The following SETDB2 variants were observed in gnomAD, a reference collection of about 807,000 sequenced individuals.
SETDB2 encodes the protein histone-lysine N-methyltransferase SETDB2.
SETDB2 carries 56 observed loss-of-function variants against 82.5 expected under a neutral mutation model. The ratio of observed to expected loss-of-function variants is 0.68; its 90% confidence interval spans 0.55 to 0.85. The LOEUF (loss-of-function observed/expected upper bound fraction) is 0.85, where lower values mean the gene tolerates loss of function less well. Among genes scored for constraint, SETDB2 ranks in the 40% least tolerant of loss-of-function variants. The pLI, the probability that SETDB2 is intolerant of heterozygous loss-of-function variation, is 0.00. For missense variants in SETDB2, 677 were observed against 816.4 expected (o/e 0.83, Z 2.08); for synonymous variants, 272 against 284.9 (o/e 0.95, Z 0.46).
At chr13:49,471,932 A>ATTTT (rs1293042049) in intron 5 of SETDB2, among the ~76,000 whole-genome samples, 736 of 75,262 alleles carry the variant, frequency 9.8e-3, no homozygotes, top group Non-Finnish European at 0.013. Flanking sequence ...ATATATATAT[A>ATTTT]TATTTTTTTT....
chr13:49,453,968 C>T (rs778034832), intron 2 of SETDB2, among the ~76,000 whole-genome samples: 1 of 152,000 alleles, frequency 6.6e-6, no homozygotes, highest in Non-Finnish European at 1.5e-5. Context: ...CATGAAATTA[C>T]GCTGATGTTT....
At chr13:49,483,613 T>A in intron 10 of SETDB2, 50 bp downstream of exon 10, 1 of 51,844 alleles carries the variant, frequency 1.9e-5, no homozygotes, top group Non-Finnish European at 4.2e-5. Flanking sequence ...TTTTAAATTT[T>A]TTTTTTTTTT....
At position 49,490,872 on chromosome 13, in the gene SETDB2, C is replaced by A. The variant is rs747992296; in HGVS notation, c.1968C>A (p.His656Gln). 6.2e-6 allele frequency: 10 copies of A among 1,613,340 alleles called. No homozygotes were observed. In the Admixed American group the frequency reaches 1.0e-4, roughly 16 times the overall value. ...TACAGAATGTTTTTGTAGAAACACACAACAGGAATTTTCCATTGGTGGCAT... is the reference window on the plus strand; with the variant it reads ...TACAGAATGTTTTTGTAGAAACACAAAACAGGAATTTTCCATTGGTGGCAT... ...LLVQNVFVET[H>Q]NRNFPLVAFF... Residue 656 changes from histidine to glutamine, a missense_variant, in exon 13 of 14, where the codon CAC becomes CAA. Coordinates refer to ENST00000611815, the MANE Select transcript of SETDB2 (RefSeq NM_001160308.3).
At chr13:49,482,251 G>A (rs1035188640) in intron 8 of SETDB2, 1 of 985,262 alleles carries the variant, frequency 1.0e-6, no homozygotes, top group Admixed American at 6.2e-5. Flanking sequence ...TGAATCCCTT[G>A]AAAGAAAATG....
intron 11 of SETDB2, among the ~76,000 whole-genome samples, chr13:49,487,323 G>A (rs1469151198): frequency 2.6e-5 from 4 of 151,806 alleles, no homozygotes; most frequent in African/African-American, 9.7e-5. Context: ...CATCTGACAT[G>A]CATTCATATC....
At position 49,451,776 on chromosome 13, in the gene SETDB2, T is replaced by A; in HGVS notation, c.-118T>A. 1.5e-6 allele frequency: 1 copy of A among 651,934 alleles called. No homozygotes were observed. Among genetic ancestry groups the A allele is most frequent in the Admixed American group, 3.2e-5 (1 of 31,728 alleles). The allele number at this position is 651,934 out of a possible 1,614,324, so 40.4% of individuals were successfully genotyped here. On this transcript the variant is annotated 5_prime_UTR_variant, in exon 2 of 14. Transcript: ENST00000611815. ...TTTAGAATGGTATAATGATGTATTT[T>A]GTCTGAGGACTGCAAATTTTATAGA...
chr13:49,485,398 C>G (rs901201245), intron 10 of SETDB2, among the ~76,000 whole-genome samples: 14 of 152,204 alleles, frequency 9.2e-5, no homozygotes, highest in African/African-American at 3.4e-4. Flanking sequence ...AATTTCTTGA[C>G]AGTCTTTATA....
chr13:49,455,580 T>G (rs1406770153), intron 2 of SETDB2, among the ~76,000 whole-genome samples: 1 of 152,128 alleles, frequency 6.6e-6, no homozygotes, highest in Non-Finnish European at 1.5e-5. Context: ...TTCAGAAACT[T>G]TCAGGTTTGC....
rs1179635714 is a variant in SETDB2 at position 49,467,853 on chromosome 13, T to G, written c.209-11T>G. On this transcript the variant is annotated splice_polypyrimidine_tract_variant and intron_variant, in intron 4 of 13. Transcript: ENST00000611815. The stretch of plus-strand genomic sequence containing the variant: ...TGGTATATTTGTTGCTCACATTATT[T>G]TTTTGTGTAGATCCTATGCCTGTGA... The G allele has an allele frequency of 1.3e-6, 2 of 1,591,844 alleles. No individual in the cohort carries two copies. Among genetic ancestry groups the G allele is most frequent in the Non-Finnish European group, 1.7e-6 (2 of 1,170,172 alleles).
chr13:49,461,718 A>G (rs1957997089), intron 4 of SETDB2, among the ~76,000 whole-genome samples: 1 of 152,210 alleles, frequency 6.6e-6, no homozygotes, highest in Non-Finnish European at 1.5e-5. Flanking sequence ...GTTGTATTCT[A>G]AAATTTAATT....
At chr13:49,464,642 T>C (rs1254242975) in intron 4 of SETDB2, among the ~76,000 whole-genome samples, 5 of 152,212 alleles carry the variant, frequency 3.3e-5, no homozygotes, top group African/African-American at 1.2e-4. Context: ...ATCTGAAATG[T>C]AACAAATGCA....
intron 8 of SETDB2, 85 bp from the exon 9 acceptor site, chr13:49,482,652 A>T: frequency 1.2e-6 from 1 of 844,924 alleles, no homozygotes; most frequent in Non-Finnish European, 1.9e-6. Context: ...TGGGTTCTTT[A>T]GTCATGGAGT....
chr13:49,453,961 G>T (rs1358620603), intron 2 of SETDB2, among the ~76,000 whole-genome samples: 1 of 152,042 alleles, frequency 6.6e-6, no homozygotes, highest in African/African-American at 2.4e-5. Context: ...AGCTAACCAT[G>T]AAATTACGCT....
intron 5 of SETDB2, among the ~76,000 whole-genome samples, chr13:49,475,360 C>A (rs189058726): frequency 6.6e-6 from 1 of 152,114 alleles, no homozygotes. Flanking sequence ...GCAAATACAA[C>A]GCATCTCTAA....
intron 5 of SETDB2, among the ~76,000 whole-genome samples, chr13:49,471,911 G>GAC (rs1398089213): frequency 1.6e-4 from 12 of 76,174 alleles, no homozygotes; most frequent in African/African-American, 4.9e-4. Context: ...TATCTCATGT[G>GAC]ACATATATAT....
chr13:49,482,720 T>C lies in SETDB2; in HGVS notation c.1157-17T>C, dbSNP rs1958504459. 6.5e-7 allele frequency: 1 copy of C among 1,540,378 alleles called. No homozygotes were observed. The highest frequency in any genetic ancestry group is 1.4e-5 in the African/African-American group (1 of 72,744). On this transcript the variant is annotated splice_polypyrimidine_tract_variant and intron_variant, in intron 8 of 13. Coordinates refer to ENST00000611815, the MANE Select transcript of SETDB2 (RefSeq NM_001160308.3). ...TATCTTCTGTGTTGTTCAAACTCTT[T>C]AACATTTTCCTTTTAGGAAGATTAC...
Position 49,493,324 on chromosome 13 carries a change from A to G in SETDB2, c.*1475A>G, listed in dbSNP as rs1418138493. ...ATCAGTATGGGAACCATTTTTGTGC[A>G]AAAGGGAATATTATGGATCAGCCAG... On this transcript the variant is annotated 3_prime_UTR_variant, in exon 14 of 14. Transcript: ENST00000611815. 11 of 152,244 alleles carry G rather than the reference A, an allele frequency of 7.2e-5. No individual in the cohort carries two copies. Among genetic ancestry groups the G allele is most frequent in the Non-Finnish European group, 1.5e-5 (1 of 68,034 alleles). The allele number at this position is 152,244 out of a possible 1,614,324, so 9.4% of individuals were successfully genotyped here.
At chr13:49,453,810 G>A (rs931351156) in intron 2 of SETDB2, among the ~76,000 whole-genome samples, 3 of 152,080 alleles carry the variant, frequency 2.0e-5, no homozygotes, top group Non-Finnish European at 4.4e-5. Context: ...AATGATAGGT[G>A]TATTTGTTGT....
Position 49,492,125 on chromosome 13 carries a change from T to A in SETDB2, c.*276T>A, listed in dbSNP as rs1057395837. ...TGAAATACCACTGTACAATTTATAA[T>A]TTATTTACAAATTATATATTAAGAG... is the stretch of plus-strand genomic sequence containing the variant. On this transcript the variant is annotated 3_prime_UTR_variant, in exon 14 of 14. Transcript: ENST00000611815. 1 of 264,130 alleles carries A rather than the reference T, an allele frequency of 3.8e-6. No homozygotes were observed. The highest frequency in any genetic ancestry group is 4.9e-5 in the Admixed American group (1 of 20,574). The allele number at this position is 264,130 out of a possible 1,614,324, so 16.4% of individuals were successfully genotyped here.
Sources: allele counts gnomAD v4.1 joint callset (sites outside exome capture counted in the v4.1 genomes callset), GRCh38; gene constraint gnomAD v4.1.1; transcripts MANE v1.5; gene names NCBI Gene and HGNC (gene_info 2026-07-23, HGNC 2026-07-21).